Variants in DLG2 observed in about 807,000 individuals in gnomAD.
The protein encoded by DLG2 is discs large MAGUK scaffold protein 2, also known as disks large homolog 2.
A neutral mutation model predicts 132.5 loss-of-function variants in DLG2; 45 were observed. The ratio of observed to expected loss-of-function variants is 0.34; its 90% CI spans 0.27 to 0.44. The LOEUF (loss-of-function observed/expected upper bound fraction) is 0.44, where lower values mean the gene tolerates loss of function less well. Among genes scored for constraint, DLG2 ranks in the 20% least tolerant of loss-of-function variants. DLG2 has a pLI of 1.00. For missense variants in DLG2, 1,045 were observed against 1,196.9 expected, an observed-to-expected ratio of 0.87 and a Z score of 1.87; for synonymous variants, 424 against 419.6, an observed-to-expected ratio of 1.01 and a Z score of -0.13.
At chr11:83,836,816 A>C (rs1474188017) in intron 16 of DLG2, among the ~76,000 whole-genome samples, 1 of 152,192 alleles carries the variant, frequency 6.6e-6, no homozygotes, top group East Asian at 1.9e-4. Flanking sequence ...GAGGAAATGA[A>C]TTGACCTGAC....
At chr11:84,526,576 G>A (rs1343266475) in intron 7 of DLG2, among the ~76,000 whole-genome samples, 6 of 152,090 alleles carry the variant, frequency 3.9e-5, no homozygotes, top group South Asian at 4.1e-4. Context: ...TATTTTGAGA[G>A]ACAGAGAGAG....
intron 6 of DLG2, among the ~76,000 whole-genome samples, chr11:84,901,572 A>G (rs2090892456): frequency 6.6e-6 from 1 of 152,132 alleles, no homozygotes; most frequent in Admixed American, 6.6e-5. Context: ...TTACTCCATT[A>G]ACTAGAATAA....
chr11:83,734,422 T>C (rs2091597054), intron 18 of DLG2, among the ~76,000 whole-genome samples: 1 of 143,808 alleles, frequency 7.0e-6, no homozygotes. Context: ...CCTCCTTCCC[T>C]CCCTCCTTCC....
intron 6 of DLG2, among the ~76,000 whole-genome samples, chr11:84,577,532 TG>T (rs1199913220): frequency 2.6e-5 from 4 of 152,222 alleles, no homozygotes; most frequent in Non-Finnish European, 5.9e-5. Context: ...TAGCAGAGAC[TG>T]GCAGCATTTT....
chr11:85,394,204 C>G (rs1370476350), intron 3 of DLG2, among the ~76,000 whole-genome samples: 1 of 152,100 alleles, frequency 6.6e-6, no homozygotes, highest in East Asian at 1.9e-4. Context: ...TATTTTAAAA[C>G]AAATGAGGTA....
chr11:85,249,722 G>A (rs1434936330), intron 4 of DLG2, among the ~76,000 whole-genome samples: 1 of 152,078 alleles, frequency 6.6e-6, no homozygotes, highest in Non-Finnish European at 1.5e-5. Flanking sequence ...CAATGAGAAT[G>A]CAAGCTGGAG....
At chr11:83,613,129 A>G (rs1414884354) in intron 19 of DLG2, among the ~76,000 whole-genome samples, 5 of 152,202 alleles carry the variant, frequency 3.3e-5, no homozygotes, top group Non-Finnish European at 7.3e-5. Context: ...TGGGTAAACA[A>G]GAACACAGAG....
intron 8 of DLG2, among the ~76,000 whole-genome samples, chr11:84,200,642 C>T (rs983059960): frequency 6.6e-6 from 1 of 152,086 alleles, no homozygotes; most frequent in Non-Finnish European, 1.5e-5. Flanking sequence ...GTTTGTAGTT[C>T]TCCTTGAAGA....
intron 11 of DLG2, among the ~76,000 whole-genome samples, chr11:84,013,424 T>C (rs2094991498): frequency 6.6e-6 from 1 of 152,102 alleles, no homozygotes; most frequent in African/African-American, 2.4e-5. Context: ...AACTGCAGCA[T>C]CAGTGAGAAG....
At chr11:85,531,090 T>A (rs1357336666) in intron 3 of DLG2, among the ~76,000 whole-genome samples, 1 of 152,258 alleles carries the variant, frequency 6.6e-6, no homozygotes, top group Admixed American at 6.5e-5. Context: ...AATGTATTCT[T>A]ACATTATTCC....
chr11:84,698,796 T>G (rs1249595499), intron 6 of DLG2, among the ~76,000 whole-genome samples: 2 of 151,742 alleles, frequency 1.3e-5, no homozygotes, highest in East Asian at 3.9e-4. Context: ...TGTTGCGTTT[T>G]TTTTGTTTTT....
rs768193546 is a variant in DLG2, at chr11:85,285,240, T to C, written c.166A>G (p.Arg56Gly). ...TATACCTCTGAAGATTTTTGAAGTC[T>C]GTCATGGCACGGAGCAAGAAGGGAT... The part of the protein sequence containing the change: ...KTSLLAPCHD[R>G]LQKSSELTDC... The change falls in exon 4 of 28, where the codon AGA becomes GGA. Residue 56 changes from arginine to glycine, a missense_variant. Arg to Gly is a moderately radical substitution (Grantham distance 125). This residue lies in a region of DLG2 where 277 missense variants were observed against 238.2 expected (regional missense o/e 1.16). Coordinates refer to ENST00000376104, the MANE Select transcript of DLG2 (RefSeq NM_001142699.3). 1.9e-6 allele frequency: 3 copies of C among 1,611,554 alleles called. No homozygotes were observed. The South Asian group carries it at 3.3e-5, about 18-fold the overall frequency.
chr11:83,839,880 C>T (rs1333688690), intron 16 of DLG2, among the ~76,000 whole-genome samples: 1 of 152,186 alleles, frequency 6.6e-6, no homozygotes, highest in Non-Finnish European at 1.5e-5. Context: ...TCTACTCCAA[C>T]CCCTTCATCC....
At chr11:85,097,020 T>C (rs1002232398) in intron 6 of DLG2, among the ~76,000 whole-genome samples, 5 of 152,100 alleles carry the variant, frequency 3.3e-5, no homozygotes, top group Non-Finnish European at 7.4e-5. Flanking sequence ...CCTGCGGCCA[T>C]GAGCAGAACT....
intron 6 of DLG2, among the ~76,000 whole-genome samples, chr11:84,628,961 A>G (rs1479601358): frequency 6.6e-6 from 1 of 152,206 alleles, no homozygotes. Context: ...TCTCCAGCAC[A>G]CTAAGCAGGT....
chr11:84,104,905 T>C (rs561159382), intron 9 of DLG2, among the ~76,000 whole-genome samples: 3 of 152,274 alleles, frequency 2.0e-5, no homozygotes, highest in African/African-American at 7.2e-5. Flanking sequence ...TGGTAGATTG[T>C]ATTATTCTCT....
intron 19 of DLG2, among the ~76,000 whole-genome samples, chr11:83,608,735 G>C (rs28661126): frequency 1.4e-4 from 20 of 148,096 alleles, no homozygotes; most frequent in African/African-American, 3.2e-4. Context: ...CACACACACA[G>C]AGAGAGAGAG....
At chr11:84,663,177 A>C (rs2099696414) in intron 6 of DLG2, among the ~76,000 whole-genome samples, 1 of 151,944 alleles carries the variant, frequency 6.6e-6, no homozygotes, top group African/African-American at 2.4e-5. Context: ...TTTTCTCCAT[A>C]CAGAAAAACA....
intron 18 of DLG2, among the ~76,000 whole-genome samples, chr11:83,689,412 CA>C (rs971458592): frequency 4.6e-5 from 7 of 151,998 alleles, no homozygotes; most frequent in Non-Finnish European, 1.0e-4. Context: ...GTAGGAATAC[CA>C]GAGACTAATC....
Sources: allele counts gnomAD v4.1 joint callset (sites outside exome capture counted in the v4.1 genomes callset), GRCh38; gene constraint gnomAD v4.1.1; regional missense constraint gnomAD v4.1.1; transcripts MANE v1.5; gene names NCBI Gene and HGNC (gene_info 2026-07-23, HGNC 2026-07-21).